The following CDH18 variants were observed in gnomAD, a reference collection of about 807,000 sequenced individuals.
CDH18 encodes cadherin 18.
A neutral mutation model predicts 67.9 loss-of-function variants in CDH18; 31 were observed. That is an observed-to-expected ratio of 0.46 (90% CI 0.34 to 0.62). The LOEUF is 0.62. Ranked by LOEUF, CDH18 falls within the 20% of genes least tolerant of loss-of-function variation. The probability of loss-of-function intolerance (pLI) is 0.01; values close to 1 mark genes in which losing one functional copy is unlikely to be tolerated. For missense variants in CDH18, 890 were observed against 975.5 expected (o/e 0.91, Z 1.17); for synonymous variants, 362 against 347.2 (o/e 1.04, Z -0.48).
intron 2 of CDH18, among the ~76,000 whole-genome samples, chr5:20,006,692 A>G (rs1410388311): frequency 6.6e-6 from 1 of 152,010 alleles, no homozygotes; most frequent in Admixed American, 6.6e-5. Flanking sequence ...CATTACCATT[A>G]TTATAAAGAT....
chr5:20,322,283 ATATTAAT>A (rs1436640114), intron 1 of CDH18, among the ~76,000 whole-genome samples: 3 of 152,198 alleles, frequency 2.0e-5, no homozygotes, highest in African/African-American at 4.8e-5. Context: ...GTTCATAATG[ATATTAAT>A]TATTATTATA....
In CDH18 at chr5:19,483,518, T is replaced by C. The variant is rs1561164035; in HGVS notation, c.1665A>G (p.Arg555=). The C allele has an allele frequency of 2.5e-6, 4 of 1,613,554 alleles. No individual in the cohort carries two copies. In the East Asian group the frequency reaches 8.9e-5, roughly 36 times the overall value. Residue 555 remains arginine (R), a synonymous_variant, in exon 12 of 13, where the codon AGA becomes AGG. Transcript: ENST00000382275. The stretch of plus-strand genomic sequence containing the variant: ...ACACATCCTGAACAGTTCGACTAAA[T>C]CTCCTCCGCCTTGTCAGAATGCTGG... ...NTASILTRRR[R]FSRTVQDVYY... is the part of the protein sequence containing the mutation.
intron 4 of CDH18, among the ~76,000 whole-genome samples, chr5:19,723,926 G>A (rs2150590449): frequency 6.6e-6 from 1 of 152,096 alleles, no homozygotes; most frequent in Non-Finnish European, 1.5e-5. Context: ...TGTTGGCCAG[G>A]CTGTGAACTC....
At chr5:19,612,713 T>A in intron 5 of CDH18, 112 bp from the exon 6 acceptor site, 1 of 804,456 alleles carries the variant, frequency 1.2e-6, no homozygotes, top group Non-Finnish European at 2.0e-6. Context: ...ATTTTTGGGA[T>A]AAAGTCACAC....
intron 3 of CDH18, among the ~76,000 whole-genome samples, chr5:19,822,741 G>T (rs769898557): frequency 6.6e-6 from 1 of 152,158 alleles, no homozygotes; most frequent in African/African-American, 2.4e-5. Context: ...GGACTGGGGC[G>T]AAATTAAAAT....
intron 10 of CDH18, among the ~76,000 whole-genome samples, chr5:19,506,415 G>A (rs1744171298): frequency 6.6e-6 from 1 of 152,018 alleles, no homozygotes; most frequent in African/African-American, 2.4e-5. Context: ...CTACTTTAAA[G>A]TTCATATGGA....
intron 2 of CDH18, among the ~76,000 whole-genome samples, chr5:19,940,648 G>A (rs1477983096): frequency 6.6e-6 from 1 of 151,940 alleles, no homozygotes; most frequent in Non-Finnish European, 1.5e-5. Flanking sequence ...TGTGGATCTA[G>A]AGATTATTTT....
At position 19,986,259 on chromosome 5, in the gene CDH18, T is replaced by C. The variant is rs548123648; in HGVS notation, c.-376+1827A>G. ...GTATGGACTTCATTCTAGCACCGGG[T>C]GCTATTGCTCATACTTGTGACTGCT... is the stretch of plus-strand genomic sequence containing the variant. On this transcript the variant is annotated intron_variant, in intron 1 of 12. Transcript: ENST00000382275. Among the ~76,000 whole-genome samples the C allele has an allele frequency of 3.3e-5, 5 of 152,334 alleles. No homozygotes were observed. The East Asian group carries it at 9.6e-4, about 29-fold the overall frequency.
intron 2 of CDH18, among the ~76,000 whole-genome samples, chr5:19,862,691 G>A (rs1785033032): frequency 6.6e-6 from 1 of 152,144 alleles, no homozygotes; most frequent in Non-Finnish European, 1.5e-5. Context: ...CTTAATAGAG[G>A]TGACTTTAAG....
intron 10 of CDH18, among the ~76,000 whole-genome samples, chr5:19,518,376 T>C (rs928116827): frequency 3.3e-5 from 5 of 152,166 alleles, no homozygotes; most frequent in Non-Finnish European, 7.3e-5. Flanking sequence ...TGATGGTTAA[T>C]ATTGAGTGTC....
Position 20,263,759 on chromosome 5 carries a change from G to C in CDH18, c.-579-8254C>G, listed in dbSNP as rs573596235. ...AACTTTATAAAACCTACCAATTGTT[G>C]AGTTCAGGTGTACTATTTTAAAAAC... On this transcript the variant is annotated intron_variant, in intron 1 of 14. Transcript: ENST00000507958. 3.9e-5 allele frequency among the ~76,000 whole-genome samples: 6 copies of C among 152,154 alleles called. No individual in the cohort carries two copies. The East Asian group carries it at 1.2e-3, about 29-fold the overall frequency.
chr5:20,009,216 T>C (rs1194330011), intron 2 of CDH18, among the ~76,000 whole-genome samples: 1 of 152,124 alleles, frequency 6.6e-6, no homozygotes, highest in African/African-American at 2.4e-5. Flanking sequence ...ATTCTATTTC[T>C]CTGGACTTAC....
chr5:19,822,017 T>C (rs911646154), intron 3 of CDH18, among the ~76,000 whole-genome samples: 3 of 152,136 alleles, frequency 2.0e-5, no homozygotes, highest in African/African-American at 7.2e-5. Flanking sequence ...CACACTTAAG[T>C]ACTTAGTGAC....
chr5:19,718,238 A>G (rs951790821), intron 5 of CDH18, among the ~76,000 whole-genome samples: 6 of 151,978 alleles, frequency 3.9e-5, no homozygotes, highest in Non-Finnish European at 5.9e-5. Context: ...AGCACTCACA[A>G]GTCCACATTT....
chr5:20,081,569 T>C (rs180984394), intron 2 of CDH18, among the ~76,000 whole-genome samples: 134 of 152,228 alleles, frequency 8.8e-4, no homozygotes, highest in Non-Finnish European at 1.5e-3. Flanking sequence ...AACAGTAGAC[T>C]GAATAAAGAA....
intron 6 of CDH18, among the ~76,000 whole-genome samples, chr5:19,600,417 T>G (rs1225086961): frequency 6.6e-6 from 1 of 151,508 alleles, no homozygotes; most frequent in Non-Finnish European, 1.5e-5. Flanking sequence ...TTTAATGTCT[T>G]AAATTAACTT....
chr5:19,558,671 A>C (rs1485571827), intron 8 of CDH18, among the ~76,000 whole-genome samples: 3 of 152,020 alleles, frequency 2.0e-5, no homozygotes, highest in Admixed American at 6.6e-5. Flanking sequence ...CCAACAACAA[A>C]AAAAAGTCCA....
At chr5:19,932,100 C>T (rs1202121498) in intron 2 of CDH18, among the ~76,000 whole-genome samples, 1 of 151,834 alleles carries the variant, frequency 6.6e-6, no homozygotes, top group African/African-American at 2.4e-5. Flanking sequence ...GAATACACCA[C>T]TTTCCAAACC....
chr5:19,769,777 A>C (rs1773524407), intron 3 of CDH18, among the ~76,000 whole-genome samples: 1 of 152,038 alleles, frequency 6.6e-6, no homozygotes. Flanking sequence ...GTGCTTCAAA[A>C]TGTGCTACCA....
Sources: allele counts gnomAD v4.1 joint callset (sites outside exome capture counted in the v4.1 genomes callset), GRCh38; gene constraint gnomAD v4.1.1; transcripts MANE v1.5; gene names NCBI Gene and HGNC (gene_info 2026-07-23, HGNC 2026-07-21).